The following HS3ST1 variants were observed in gnomAD, a reference collection of about 807,000 sequenced individuals.
HS3ST1 encodes heparan sulfate glucosamine 3-O-sulfotransferase 1.
Under a neutral mutation model 20.7 loss-of-function variants are expected in HS3ST1, and 8 were observed. The ratio of observed to expected loss-of-function variants is 0.39; its 90% confidence interval spans 0.23 to 0.70. The LOEUF (loss-of-function observed/expected upper bound fraction) is 0.70, where lower values mean the gene tolerates loss of function less well. HS3ST1 is among the 30% of genes least tolerant of loss of function. The pLI, the probability that HS3ST1 is intolerant of heterozygous loss-of-function variation, is 0.46. For synonymous variants in HS3ST1, 205 were observed against 190.4 expected, an observed-to-expected ratio of 1.08 and a Z score of -0.63; for missense variants, 436 against 423.4, an observed-to-expected ratio of 1.03 and a Z score of -0.26.
intron 1 of HS3ST1, among the ~76,000 whole-genome samples, chr4:11,403,203 A>T (rs980458864): frequency 3.9e-5 from 6 of 152,234 alleles, no homozygotes. Context: ...TTGTGTGTGT[A>T]AATGTATGCA....
chr4:11,397,616 A>G lies in HS3ST1; in HGVS notation c.*1466T>C, dbSNP rs747282064. 9.2e-5 allele frequency: 14 copies of G among 152,156 alleles called. No individual in the cohort carries two copies. The highest frequency in any genetic ancestry group is 1.3e-4 in the Non-Finnish European group (9 of 68,028). The allele number at this position is 152,156 out of a possible 1,614,324, so 9.4% of individuals were successfully genotyped here. On this transcript the variant is annotated 3_prime_UTR_variant, in exon 2 of 2. Coordinates refer to ENST00000002596, the MANE Select transcript of HS3ST1 (RefSeq NM_005114.4). ...GCCTCTAAGCCTGAGTTTATAGTCA[A>G]TGTGACCTTGGGCAAGTTTCTCATG...
chr4:11,403,333 G>A (rs1035587972), intron 1 of HS3ST1, among the ~76,000 whole-genome samples: 1 of 152,162 alleles, frequency 6.6e-6, no homozygotes, highest in Admixed American at 6.5e-5. Flanking sequence ...GCACAGAAAG[G>A]ATTTCTGGTC....
In HS3ST1 at chr4:11,400,275, C is replaced by T. The variant is rs56123863; in HGVS notation, c.-108-162G>A. ...ATGGCAAACATTTTCTGCAAAAGTC[C>T]AGAGAATAAGTATTTTAGGCTTTAG... On this transcript the variant is annotated intron_variant, in intron 1 of 1. Coordinates refer to ENST00000002596, the MANE Select transcript of HS3ST1 (RefSeq NM_005114.4). Among the ~76,000 whole-genome samples, 996 of 152,228 alleles carry T rather than the reference C, an allele frequency of 6.5e-3. 8 individuals carry two copies. Among genetic ancestry groups the T allele is most frequent in the Non-Finnish European group, 7.4e-3 (506 of 68,028 alleles).
chr4:11,407,946 C>T (rs1458497008), intron 1 of HS3ST1, among the ~76,000 whole-genome samples: 4 of 152,162 alleles, frequency 2.6e-5, no homozygotes, highest in Admixed American at 2.6e-4. Flanking sequence ...TACTCTTGGC[C>T]TGGGGCAGAG....
chr4:11,428,209 G>A (rs1048786173), intron 1 of HS3ST1, among the ~76,000 whole-genome samples: 1 of 152,232 alleles, frequency 6.6e-6, no homozygotes, highest in African/African-American at 2.4e-5. Context: ...CAAATGCAAA[G>A]GCAAACCCGA....
intron 1 of HS3ST1, among the ~76,000 whole-genome samples, chr4:11,406,304 A>G (rs890771971): frequency 1.2e-4 from 19 of 152,220 alleles, no homozygotes; most frequent in African/African-American, 4.1e-4. Flanking sequence ...ATCTTTTGCA[A>G]TCAGGTAAAT....
intron 1 of HS3ST1, among the ~76,000 whole-genome samples, chr4:11,418,635 C>T (rs1159424650): frequency 6.6e-6 from 1 of 152,166 alleles, no homozygotes; most frequent in Admixed American, 6.5e-5. Flanking sequence ...GTACTCATCA[C>T]CCCAGAAAGG....
chr4:11,406,473 C>T (rs1718468273), intron 1 of HS3ST1, among the ~76,000 whole-genome samples: 1 of 152,184 alleles, frequency 6.6e-6, no homozygotes, highest in South Asian at 2.1e-4. Context: ...CAGTGTCTGG[C>T]ACACAGTTAT....
In HS3ST1 at chr4:11,417,269, C is replaced by T. The variant is rs566477446; in HGVS notation, c.-109+11430G>A. 3.9e-5 allele frequency among the ~76,000 whole-genome samples: 6 copies of T among 152,214 alleles called. No individual in the cohort carries two copies. In the East Asian group the frequency reaches 9.6e-4, roughly 24 times the overall value. On this transcript the variant is annotated intron_variant, in intron 1 of 1. Coordinates refer to ENST00000002596, the MANE Select transcript of HS3ST1 (RefSeq NM_005114.4). Reference sequence around the variant, plus strand: ...AATGCATTATCATATTTAATCCTGGCTATTCTATGAAATGGAGGGCGTTAT... The same window carrying T: ...AATGCATTATCATATTTAATCCTGGTTATTCTATGAAATGGAGGGCGTTAT...
chr4:11,403,063 T>C (rs1718369713), intron 1 of HS3ST1, among the ~76,000 whole-genome samples: 1 of 152,218 alleles, frequency 6.6e-6, no homozygotes, highest in African/African-American at 2.4e-5. Context: ...TAATGTCTTA[T>C]ATACACATAT....
At position 11,398,608 on chromosome 4, in the gene HS3ST1, A is replaced by G. The variant is rs1454043753; in HGVS notation, c.*474T>C. The G allele has an allele frequency of 6.6e-6, 1 of 152,318 alleles. No homozygotes were observed. The highest frequency in any genetic ancestry group is 1.5e-5 in the Non-Finnish European group (1 of 68,134). 9.4% of individuals were successfully genotyped at this position (152,318 alleles called of 1,614,324 possible). ...AATCCAAGTAAAAATAAATCTGATGATCACAATGAGACATTAAAAATTAAA... is the reference window on the plus strand; with the variant it reads ...AATCCAAGTAAAAATAAATCTGATGGTCACAATGAGACATTAAAAATTAAA... On this transcript the variant is annotated 3_prime_UTR_variant, in exon 2 of 2. Coordinates refer to ENST00000002596, the MANE Select transcript of HS3ST1 (RefSeq NM_005114.4).
rs933824657 is a variant in HS3ST1, at chr4:11,399,423, G to T, written c.583C>A (p.Leu195Ile). 1 of 1,614,010 alleles carries T rather than the reference G, an allele frequency of 6.2e-7. No individual in the cohort carries two copies. Among genetic ancestry groups the T allele is most frequent in the Non-Finnish European group, 8.5e-7 (1 of 1,179,990 alleles). ...NVDYKALNRS[L>I]YHVHMQNWLR... Reference sequence around the variant, plus strand: ...CAGTTCTGCATGTGCACGTGGTAGAGGCTGCGGTTGAGGGCCTTGTAGTCC... The same window carrying T: ...CAGTTCTGCATGTGCACGTGGTAGATGCTGCGGTTGAGGGCCTTGTAGTCC... Residue 195 changes from leucine (L) to isoleucine (I), a missense_variant, in exon 2 of 2, where the codon CTC becomes ATC. Leu to Ile is a conservative substitution (Grantham distance 5). Transcript: ENST00000002596. This position sits in a 1 kb window ranked among gnomAD's most constrained non-coding sequence, Gnocchi z 5.1.
upstream of HS3ST1, among the ~76,000 whole-genome samples, chr4:11,433,638 G>T (rs1719244387): frequency 6.6e-6 from 1 of 151,938 alleles, no homozygotes; most frequent in Admixed American, 6.6e-5. Context: ...GCTCTTTTAG[G>T]CCTTATTCAA....
At chr4:11,426,263 C>T (rs1354454092) in intron 1 of HS3ST1, among the ~76,000 whole-genome samples, 3 of 152,128 alleles carry the variant, frequency 2.0e-5, no homozygotes, top group East Asian at 1.9e-4. Flanking sequence ...ATGAGTGAAG[C>T]AATTTACACC....
chr4:11,407,508 A>G (rs1328491140), intron 1 of HS3ST1, among the ~76,000 whole-genome samples: 1 of 152,182 alleles, frequency 6.6e-6, no homozygotes, highest in Non-Finnish European at 1.5e-5. Flanking sequence ...TGGGATAAGG[A>G]TTCCCATCTT....
intron 1 of HS3ST1, 120 bp from the exon 2 acceptor site, chr4:11,400,233 ATCCT>A (rs1181517585): frequency 3.6e-6 from 3 of 832,420 alleles, no homozygotes; most frequent in Non-Finnish European, 5.1e-6. Flanking sequence ...TCAGTTTCTT[ATCCT>A]ATACAGGAGC....
At chr4:11,414,783 TAGAG>T (rs1375430405) in intron 1 of HS3ST1, among the ~76,000 whole-genome samples, 4 of 152,248 alleles carry the variant, frequency 2.6e-5, no homozygotes, top group South Asian at 2.1e-4. Flanking sequence ...CTTAGATTCA[TAGAG>T]AGAATTTTAA....
chr4:11,396,078 G>C lies in HS3ST1; in HGVS notation c.*3004C>G, dbSNP rs911911617. ...AAATTTTAATGAATAATGGTGACCT[G>C]TGACACCACCCCTGTAAGCAGCAGG... On this transcript the variant is annotated 3_prime_UTR_variant, in exon 2 of 2. Transcript: ENST00000002596. The C allele has an allele frequency of 7.2e-5, 11 of 152,192 alleles. No homozygotes were observed. Among genetic ancestry groups the C allele is most frequent in the Non-Finnish European group, 1.5e-5 (1 of 68,044 alleles). The allele number at this position is 152,192 out of a possible 1,614,324, so 9.4% of individuals were successfully genotyped here. A position where few individuals can be genotyped will look rare whatever the true frequency, so the allele number is the denominator to read the frequency against.
At position 11,399,220 on chromosome 4, in the gene HS3ST1, C is replaced by A. The variant is rs767506138; in HGVS notation, c.786G>T (p.Arg262=). 25 of 1,614,040 alleles carry A rather than the reference C, an allele frequency of 1.5e-5. No individual in the cohort carries two copies. The Admixed American group carries it at 3.2e-4, about 20-fold the overall frequency. Reference sequence around the variant, plus strand: ...CTTTGGACTCATGTAAGCAGCGGTCCCGGCCGCTGTCCCGCAGGCAGTAAA... The same window carrying A: ...CTTTGGACTCATGTAAGCAGCGGTCACGGCCGCTGTCCCGCAGGCAGTAAA... The part of the protein sequence containing the change: ...KGFYCLRDSG[R]DRCLHESKGR... The change falls in exon 2 of 2, where the codon CGG becomes CGT. Residue 262 remains arginine (R), a synonymous_variant. Transcript: ENST00000002596. The surrounding 1 kb of genome is among the most constrained non-coding windows in gnomAD (Gnocchi z 5.1).
Sources: gnomAD v4.1 joint callset for allele counts (sites outside exome capture counted in the v4.1 genomes callset) on GRCh38, gnomAD v4.1.1 for gene constraint, Gnocchi (gnomAD v3.1) non-coding constraint, MANE v1.5 for transcripts, NCBI Gene and HGNC (gene_info 2026-07-23, HGNC 2026-07-21) for gene names.